Variants in TLE4 observed in about 807,000 individuals in gnomAD.
The protein encoded by TLE4 is TLE family member 4, transcriptional corepressor, also known as transducin-like enhancer protein 4.
In TLE4, 8 loss-of-function variants were observed where a neutral mutation model predicts 92.8. The observed-to-expected ratio is 0.09, with a 90% CI of 0.05 to 0.16. TLE4 has a LOEUF of 0.16. TLE4 is among the 10% of genes least tolerant of loss of function. The pLI, the probability that TLE4 is intolerant of heterozygous loss-of-function variation, is 1.00. For synonymous variants in TLE4, 371 were observed against 374.1 expected, an observed-to-expected ratio of 0.99 and a Z score of 0.10; for missense variants, 675 against 997.6, an observed-to-expected ratio of 0.68 and a Z score of 4.36.
intron 8 of TLE4, chr9:79,693,605 A>G (rs1282771136): frequency 2.0e-6 from 1 of 505,054 alleles, no homozygotes; most frequent in Non-Finnish European, 3.9e-6. Flanking sequence ...ATGCATGCAC[A>G]CATGCCACAC....
chr9:79,640,341 A>G (rs896737809), intron 6 of TLE4, among the ~76,000 whole-genome samples: 1 of 152,190 alleles, frequency 6.6e-6, no homozygotes, highest in South Asian at 2.1e-4. Flanking sequence ...TAAAAATGCT[A>G]ACATGAATTC....
chr9:79,708,585 G>T lies in TLE4; in HGVS notation c.1070-8G>T. 1 of 1,604,214 alleles carries T rather than the reference G, an allele frequency of 6.2e-7. No homozygotes were observed. ...CTTCATTTTTCTTCCATCCATTTTG[G>T]TTTGCAGCCTCAAGCCTAAGGACCC... On this transcript the variant is annotated splice_region_variant and splice_polypyrimidine_tract_variant and intron_variant, in intron 12 of 19. Coordinates refer to ENST00000376552, the MANE Select transcript of TLE4 (RefSeq NM_007005.6).
At chr9:79,679,829 A>C (rs1340091963) in intron 8 of TLE4, among the ~76,000 whole-genome samples, 2 of 152,074 alleles carry the variant, frequency 1.3e-5, no homozygotes, top group African/African-American at 4.8e-5. Context: ...TCAGCTTTCT[A>C]CATATGGCTA....
intron 14 of TLE4, among the ~76,000 whole-genome samples, chr9:79,710,827 T>C (rs927822085): frequency 2.0e-5 from 3 of 152,190 alleles, no homozygotes; most frequent in Non-Finnish European, 4.4e-5. Flanking sequence ...ATAAGTTCCA[T>C]GAAAACAGAA....
At chr9:79,668,738 T>C (rs1334878936) in intron 8 of TLE4, 3 of 637,426 alleles carry the variant, frequency 4.7e-6, no homozygotes, top group Non-Finnish European at 5.3e-6. Context: ...GCTAAAATAG[T>C]ATAGCTAGCA....
At chr9:79,682,083 G>A (rs1460879345) in intron 8 of TLE4, among the ~76,000 whole-genome samples, 1 of 152,012 alleles carries the variant, frequency 6.6e-6, no homozygotes, top group African/African-American at 2.4e-5. Flanking sequence ...TTGGAGTTTG[G>A]ATCTGGAAGC....
At chr9:79,604,655 C>G (rs767406292) in intron 4 of TLE4, among the ~76,000 whole-genome samples, 2 of 152,114 alleles carry the variant, frequency 1.3e-5, no homozygotes, top group East Asian at 3.9e-4. Flanking sequence ...AAGCTTTAGC[C>G]TCGCCTGAGA....
At chr9:79,595,075 C>A (rs2043614487) in intron 4 of TLE4, among the ~76,000 whole-genome samples, 1 of 152,158 alleles carries the variant, frequency 6.6e-6, no homozygotes, top group African/African-American at 2.4e-5. Context: ...GTCTGGAGAG[C>A]TGATATTCTA....
At chr9:79,578,944 A>C (rs2038841254) in intron 4 of TLE4, among the ~76,000 whole-genome samples, 1 of 105,930 alleles carries the variant, frequency 9.4e-6, no homozygotes, top group Non-Finnish European at 2.0e-5. Context: ...AGATGAAGCA[A>C]AAAAAAAAAA....
Position 79,573,638 on chromosome 9 carries a change from C to T in TLE4, c.46-51C>T, listed in dbSNP as rs1340727142. The T allele has an allele frequency of 4.1e-6, 6 of 1,455,058 alleles. No individual in the cohort carries two copies. The African/African-American group carries it at 4.2e-5, about 10-fold the overall frequency. 90.1% of individuals were successfully genotyped at this position (1,455,058 alleles called of 1,614,324 possible). A position where few individuals can be genotyped will look rare whatever the true frequency, so the allele number is the denominator to read the frequency against. On this transcript the variant is annotated intron_variant, in intron 1 of 19. Coordinates refer to ENST00000376552, the MANE Select transcript of TLE4 (RefSeq NM_007005.6). ...CGCATAGTAGGTTTTCTCCGTCTCCCTGCTTCGCCTGTGATGTGGGCTAAT... is the reference window on the plus strand; with the variant it reads ...CGCATAGTAGGTTTTCTCCGTCTCCTTGCTTCGCCTGTGATGTGGGCTAAT...
chr9:79,724,140 A>T (rs2076073073), intron 19 of TLE4, among the ~76,000 whole-genome samples: 1 of 151,124 alleles, frequency 6.6e-6, no homozygotes, highest in Non-Finnish European at 1.5e-5. Flanking sequence ...TGGGAACATT[A>T]GGCTTTTTAC....
chr9:79,681,832 A>G lies in TLE4; in HGVS notation c.610-22951A>G, dbSNP rs202029248. On this transcript the variant is annotated intron_variant, in intron 8 of 19. Transcript: ENST00000376552. Reference sequence around the variant, plus strand: ...AGAGAGAGAGAGAGAGAGTGTGTGCATGTGTGTGTGTGTGTGTGTGTGTGT... The same window carrying G: ...AGAGAGAGAGAGAGAGAGTGTGTGCGTGTGTGTGTGTGTGTGTGTGTGTGT... Among the ~76,000 whole-genome samples, 138 of 141,710 alleles carry G rather than the reference A, an allele frequency of 9.7e-4. 1 individual carries two copies. Among genetic ancestry groups the G allele is most frequent in the African/African-American group, 2.9e-3 (111 of 38,084 alleles). The allele number at this position is 141,710 out of a possible 152,430, so 93.0% of individuals were successfully genotyped here.
At chr9:79,615,596 C>A (rs2049360458) in intron 5 of TLE4, among the ~76,000 whole-genome samples, 1 of 151,774 alleles carries the variant, frequency 6.6e-6, no homozygotes, top group Non-Finnish European at 1.5e-5. Flanking sequence ...GATTAATATA[C>A]CTGCTTAATA....
In TLE4 at chr9:79,721,736, T is replaced by C. The variant is rs749314913; in HGVS notation, c.1839-5T>C. The C allele has an allele frequency of 2.5e-6, 4 of 1,613,860 alleles. No individual in the cohort carries two copies. Among genetic ancestry groups the C allele is most frequent in the Non-Finnish European group, 2.5e-6 (3 of 1,179,978 alleles). The stretch of plus-strand genomic sequence containing the variant: ...AGGGCTTTCCCTCCATTTTGACATT[T>C]TCAGGCAATTCCAGGGCCACACAGA... On this transcript the variant is annotated splice_region_variant and splice_polypyrimidine_tract_variant and intron_variant, in intron 16 of 19. Coordinates refer to ENST00000376552, the MANE Select transcript of TLE4 (RefSeq NM_007005.6).
chr9:79,659,009 G>A (rs1408182910), intron 8 of TLE4, among the ~76,000 whole-genome samples: 1 of 152,152 alleles, frequency 6.6e-6, no homozygotes. Context: ...GGTCCACAGT[G>A]TCCACTCAGT....
intron 14 of TLE4, chr9:79,718,209 A>G (rs1258256382): frequency 5.4e-5 from 21 of 390,838 alleles, no homozygotes; most frequent in Non-Finnish European, 4.0e-5. Flanking sequence ...TGTCATTTCA[A>G]CGTCTAAGCC....
chr9:79,722,668 A>G, intron 18 of TLE4, 67 bp downstream of exon 18: 1 of 1,572,846 alleles, frequency 6.4e-7, no homozygotes, highest in South Asian at 1.2e-5. Flanking sequence ...CTGTGTTTTT[A>G]TTTCCAAGTC....
At chr9:79,624,052 T>C (rs2051806024) in intron 5 of TLE4, among the ~76,000 whole-genome samples, 1 of 151,546 alleles carries the variant, frequency 6.6e-6, no homozygotes, top group Non-Finnish European at 1.5e-5. Flanking sequence ...GAGGACAGAT[T>C]GGGGAGGGGA....
rs1183560920 is a variant in TLE4, at chr9:79,572,518, G to C, written c.-273G>C. The stretch of plus-strand genomic sequence containing the variant: ...GGTGCGCCTCGGCGGAGCGAACGTC[G>C]GAGCGTTGCCTTGGGAGACGCGCGC... On this transcript the variant is annotated 5_prime_UTR_variant, in exon 1 of 20. Transcript: ENST00000376552. 6.4e-6 allele frequency: 1 copy of C among 157,042 alleles called. No individual in the cohort carries two copies. The highest frequency in any genetic ancestry group is 2.4e-5 in the African/African-American group (1 of 41,318). The allele number at this position is 157,042 out of a possible 1,614,324, so 9.7% of individuals were successfully genotyped here.
Sources: gnomAD v4.1 joint callset for allele counts (sites outside exome capture counted in the v4.1 genomes callset) on GRCh38, gnomAD v4.1.1 for gene constraint, MANE v1.5 for transcripts, NCBI Gene and HGNC (gene_info 2026-07-23, HGNC 2026-07-21) for gene names.